RAPGEF4: variants seen among roughly 807,000 people sequenced by gnomAD.
RAPGEF4 encodes Rap guanine nucleotide exchange factor 4.
RAPGEF4 carries 66 observed loss-of-function variants against 147.9 expected under a neutral mutation model. The ratio of observed to expected loss-of-function variants is 0.45; its 90% confidence interval spans 0.37 to 0.55. The LOEUF (loss-of-function observed/expected upper bound fraction) is 0.55. RAPGEF4 is among the 20% of genes least tolerant of loss of function. The pLI is 0.00. For missense variants in RAPGEF4, 1,071 were observed against 1,257.3 expected (o/e 0.85, Z 2.24); for synonymous variants, 419 against 442.7 (o/e 0.95, Z 0.67).
At chr2:172,781,052 G>A (rs1367189168) in intron 1 of RAPGEF4, among the ~76,000 whole-genome samples, 2 of 152,082 alleles carry the variant, frequency 1.3e-5, no homozygotes, top group African/African-American at 2.4e-5. Context: ...GAGAAGGCTT[G>A]TCACTCAATT....
intron 1 of RAPGEF4, among the ~76,000 whole-genome samples, chr2:172,738,897 A>G (rs1005739782): frequency 5.3e-5 from 8 of 152,222 alleles, no homozygotes; most frequent in African/African-American, 1.4e-4. Flanking sequence ...GTATACAATG[A>G]AATTTGAAGT....
chr2:172,927,880 A>G (rs1685534979), intron 6 of RAPGEF4, among the ~76,000 whole-genome samples: 2 of 152,162 alleles, frequency 1.3e-5, no homozygotes, highest in African/African-American at 4.8e-5. Context: ...TAGTGCCATT[A>G]CCGTTCTGAA....
intron 6 of RAPGEF4, among the ~76,000 whole-genome samples, chr2:172,936,909 A>T (rs1686633099): frequency 2.0e-5 from 3 of 151,900 alleles, no homozygotes. Flanking sequence ...ACTAAAGTCC[A>T]TAGTTTAAGG....
chr2:172,994,577 A>G (rs1559170723), intron 15 of RAPGEF4, among the ~76,000 whole-genome samples: 1 of 152,256 alleles, frequency 6.6e-6, no homozygotes, highest in Non-Finnish European at 1.5e-5. Flanking sequence ...TCTAGGGCAT[A>G]GTAAACATTC....
intron 6 of RAPGEF4, among the ~76,000 whole-genome samples, chr2:172,931,920 G>A (rs1686025879): frequency 6.6e-6 from 1 of 151,950 alleles, no homozygotes; most frequent in Admixed American, 6.6e-5. Flanking sequence ...TTAAATAACT[G>A]AAACAGGTAA....
chr2:172,804,882 G>T (rs1678761557), intron 3 of RAPGEF4, among the ~76,000 whole-genome samples: 1 of 152,214 alleles, frequency 6.6e-6, no homozygotes, highest in Admixed American at 6.5e-5. Flanking sequence ...AAGGGAGGAT[G>T]GAGAAAAAAG....
intron 1 of RAPGEF4, among the ~76,000 whole-genome samples, chr2:172,746,722 C>T (rs1694809746): frequency 6.6e-6 from 1 of 151,972 alleles, no homozygotes; most frequent in African/African-American, 2.4e-5. Flanking sequence ...AAGCAATTCT[C>T]CTGCCCCAGC....
At chr2:173,014,199 C>T (rs577859986) in intron 17 of RAPGEF4, among the ~76,000 whole-genome samples, 109 of 152,248 alleles carry the variant, frequency 7.2e-4, no homozygotes, top group Non-Finnish European at 1.3e-3. Flanking sequence ...ACACAAGAAT[C>T]CTTGTCCACA....
At chr2:173,015,742 G>A (rs1695454587) in intron 18 of RAPGEF4, among the ~76,000 whole-genome samples, 1 of 152,202 alleles carries the variant, frequency 6.6e-6, no homozygotes, top group Non-Finnish European at 1.5e-5. Flanking sequence ...ACAGTTCCCA[G>A]AAGGGCATCA....
At chr2:172,959,367 T>C (rs1443399492) in intron 6 of RAPGEF4, among the ~76,000 whole-genome samples, 2 of 152,242 alleles carry the variant, frequency 1.3e-5, no homozygotes, top group Non-Finnish European at 2.9e-5. Flanking sequence ...CCCTCTTCCA[T>C]ATTTTAAGCC....
intron 17 of RAPGEF4, among the ~76,000 whole-genome samples, chr2:173,003,171 T>C (rs1694107826): frequency 6.6e-6 from 1 of 152,172 alleles, no homozygotes; most frequent in Non-Finnish European, 1.5e-5. Context: ...GTGTATTAGC[T>C]TGTTCCCCTT....
intron 27 of RAPGEF4, among the ~76,000 whole-genome samples, chr2:173,035,633 T>C (rs973871781): frequency 6.6e-6 from 1 of 152,132 alleles, no homozygotes; most frequent in African/African-American, 2.4e-5. Context: ...ATTATAGGCA[T>C]GAGCCAATCA....
At chr2:172,869,862 T>C (rs1695027485) in intron 4 of RAPGEF4, among the ~76,000 whole-genome samples, 1 of 152,052 alleles carries the variant, frequency 6.6e-6, no homozygotes, top group African/African-American at 2.4e-5. Context: ...AATGTAGAGG[T>C]AAAGTGTCTT....
At chr2:173,048,785 C>T in intron 30 of RAPGEF4, 131 bp downstream of exon 30, 2 of 1,490,950 alleles carry the variant, frequency 1.3e-6, no homozygotes, top group African/African-American at 1.4e-5. Flanking sequence ...CCATGAATTC[C>T]ATGAGATAGG....
At chr2:172,946,756 A>G (rs754725116) in intron 6 of RAPGEF4, among the ~76,000 whole-genome samples, 7 of 152,202 alleles carry the variant, frequency 4.6e-5, no homozygotes, top group Non-Finnish European at 8.8e-5. Context: ...ATACTTGTGT[A>G]TATGTAAAAC....
At chr2:173,017,371 G>A in intron 20 of RAPGEF4, 55 bp from the exon 21 acceptor site, 2 of 1,539,276 alleles carry the variant, frequency 1.3e-6, no homozygotes, top group Non-Finnish European at 1.8e-6. Flanking sequence ...TCTCTGAGAT[G>A]CTAGCATGCA....
chr2:172,843,125 G>A (rs550608195), intron 4 of RAPGEF4, among the ~76,000 whole-genome samples: 1 of 152,282 alleles, frequency 6.6e-6, no homozygotes, highest in South Asian at 2.1e-4. Flanking sequence ...TCATTAACTG[G>A]GAGTTTATTA....
In RAPGEF4 at chr2:172,885,421, G is replaced by C. The variant is rs544983471; in HGVS notation, c.445-32381G>C. 2.0e-5 allele frequency among the ~76,000 whole-genome samples: 3 copies of C among 152,318 alleles called. No individual in the cohort carries two copies. In the South Asian group the frequency reaches 6.2e-4, roughly 32 times the overall value. ...AATTGTTCCCTGAACTACTGGTTTAGGTTCCCAGCTGGTCGCCCTGTGTAT... is the reference window on the plus strand; with the variant it reads ...AATTGTTCCCTGAACTACTGGTTTACGTTCCCAGCTGGTCGCCCTGTGTAT... On this transcript the variant is annotated intron_variant, in intron 4 of 30. Coordinates refer to ENST00000397081, the MANE Select transcript of RAPGEF4 (RefSeq NM_007023.4).
At chr2:172,871,597 A>G (rs1695240563) in intron 4 of RAPGEF4, among the ~76,000 whole-genome samples, 2 of 149,438 alleles carry the variant, frequency 1.3e-5, no homozygotes, top group Non-Finnish European at 3.0e-5. Flanking sequence ...TAAAAGGGAT[A>G]TTATCTATTT....
Sources: allele counts gnomAD v4.1 joint callset (sites outside exome capture counted in the v4.1 genomes callset), GRCh38; gene constraint gnomAD v4.1.1; transcripts MANE v1.5; gene names NCBI Gene and HGNC (gene_info 2026-07-23, HGNC 2026-07-21).